The following FARS2 variants were observed in gnomAD, a reference collection of about 807,000 sequenced individuals.
FARS2 encodes the protein phenylalanyl-tRNA synthetase 2, mitochondrial, also known as phenylalanine--tRNA ligase, mitochondrial.
Under a neutral mutation model 46.4 loss-of-function variants are expected in FARS2, and 40 were observed. That is an observed-to-expected ratio of 0.86 (90% CI 0.67 to 1.12). The LOEUF is 1.12. Among genes scored for constraint, FARS2 ranks in the 50% most tolerant of loss-of-function variants. The pLI is 0.00. For missense variants in FARS2, 513 were observed against 567.9 expected, an observed-to-expected ratio of 0.90 and a Z score of 0.98; for synonymous variants, 234 against 214.9, an observed-to-expected ratio of 1.09 and a Z score of -0.78.
chr6:5,417,903 T>C (rs1276805294), intron 3 of FARS2, among the ~76,000 whole-genome samples: 1 of 152,228 alleles, frequency 6.6e-6, no homozygotes, highest in Non-Finnish European at 1.5e-5. Flanking sequence ...TCTGTTCATT[T>C]TTCTTTCAGT....
intron 6 of FARS2, among the ~76,000 whole-genome samples, chr6:5,728,113 A>G (rs947255858): frequency 2.0e-5 from 3 of 152,250 alleles, no homozygotes; most frequent in African/African-American, 7.2e-5. Flanking sequence ...TTAATGTTTC[A>G]TCAACAGTGT....
At chr6:5,535,086 G>A (rs140557287) in intron 4 of FARS2, among the ~76,000 whole-genome samples, 18 of 152,246 alleles carry the variant, frequency 1.2e-4, no homozygotes, top group African/African-American at 4.3e-4. Flanking sequence ...GTATCTCATT[G>A]TGGTTTGTAT....
chr6:5,266,576 G>A (rs951073487), intron 1 of FARS2, among the ~76,000 whole-genome samples: 21 of 152,176 alleles, frequency 1.4e-4, no homozygotes, highest in African/African-American at 5.1e-4. Flanking sequence ...CTGGAAAGTA[G>A]CTAGTGTGGA....
intron 4 of FARS2, among the ~76,000 whole-genome samples, chr6:5,507,699 G>A (rs1196720303): frequency 6.6e-6 from 1 of 152,236 alleles, no homozygotes; most frequent in Non-Finnish European, 1.5e-5. Flanking sequence ...TCATTTTCCA[G>A]TGTCCCAGCC....
At chr6:5,711,237 A>C (rs981386920) in intron 6 of FARS2, among the ~76,000 whole-genome samples, 1 of 152,194 alleles carries the variant, frequency 6.6e-6, no homozygotes. Flanking sequence ...ATTATAACAC[A>C]AAGTATAAAA....
intron 3 of FARS2, among the ~76,000 whole-genome samples, chr6:5,428,841 G>A (rs1463248903): frequency 6.6e-6 from 1 of 152,178 alleles, no homozygotes; most frequent in African/African-American, 2.4e-5. Context: ...CCAACGGCCT[G>A]CAACAAGACC....
At chr6:5,729,296 C>G (rs1381556687) in intron 6 of FARS2, among the ~76,000 whole-genome samples, 1 of 152,162 alleles carries the variant, frequency 6.6e-6, no homozygotes, top group Non-Finnish European at 1.5e-5. Context: ...GTCCCCAGAG[C>G]ATCGTCAGTC....
chr6:5,531,516 G>C (rs1019101492), intron 4 of FARS2, among the ~76,000 whole-genome samples: 2 of 152,182 alleles, frequency 1.3e-5, no homozygotes, highest in Non-Finnish European at 2.9e-5. Flanking sequence ...TGATTAGAAT[G>C]CCATCCAGCT....
chr6:5,271,011 T>A (rs1765906822), intron 1 of FARS2, among the ~76,000 whole-genome samples: 1 of 152,214 alleles, frequency 6.6e-6, no homozygotes, highest in South Asian at 2.1e-4. Context: ...GCTCTTCAGC[T>A]TAGAGTGACT....
intron 1 of FARS2, among the ~76,000 whole-genome samples, chr6:5,344,670 G>A (rs185954920): frequency 4.6e-5 from 7 of 152,302 alleles, no homozygotes; most frequent in South Asian, 2.1e-4. Flanking sequence ...ACATTTATCC[G>A]TCAGCCAAAT....
intron 6 of FARS2, among the ~76,000 whole-genome samples, chr6:5,628,904 C>T (rs576937873): frequency 1.1e-4 from 17 of 152,350 alleles, no homozygotes; most frequent in African/African-American, 3.6e-4. Flanking sequence ...CATGCAATTG[C>T]AGACTTCAGG....
At chr6:5,498,871 G>A (rs190954225) in intron 4 of FARS2, among the ~76,000 whole-genome samples, 39 of 152,310 alleles carry the variant, frequency 2.6e-4, no homozygotes, top group Admixed American at 1.8e-3. Flanking sequence ...ATTGAAACAA[G>A]GCAGTTGCAT....
intron 4 of FARS2, among the ~76,000 whole-genome samples, chr6:5,498,080 G>T (rs1767577344): frequency 1.3e-5 from 2 of 152,144 alleles, no homozygotes. Flanking sequence ...ACTCTCTAGG[G>T]GTGTTTAGGA....
At chr6:5,681,465 A>G (rs934182347) in intron 6 of FARS2, among the ~76,000 whole-genome samples, 3 of 152,264 alleles carry the variant, frequency 2.0e-5, no homozygotes, top group African/African-American at 7.2e-5. Context: ...ACAGGACTAC[A>G]GGTGATTTTT....
At position 5,358,492 on chromosome 6, in the gene FARS2, G is replaced by A. The variant is rs151018190; in HGVS notation, c.-21-10058G>A. Among the ~76,000 whole-genome samples, 198 of 152,190 alleles carry A rather than the reference G, an allele frequency of 1.3e-3. 1 individual carries two copies. The highest frequency in any genetic ancestry group is 4.5e-3 in the African/African-American group (186 of 41,532). On this transcript the variant is annotated intron_variant, in intron 1 of 6. Coordinates refer to ENST00000274680, the MANE Select transcript of FARS2 (RefSeq NM_006567.5). ...CATGAAGGATGATTTTGATATTTTT[G>A]TGTAAGAGAGAGAGAGAAAGCCAGA...
chr6:5,462,186 AT>A (rs1398153311), intron 4 of FARS2, among the ~76,000 whole-genome samples: 4 of 152,128 alleles, frequency 2.6e-5, no homozygotes, highest in African/African-American at 4.8e-5. Context: ...CTTAGTAGCC[AT>A]TTGTATATAT....
chr6:5,260,400 C>T (rs115736225), upstream of FARS2, among the ~76,000 whole-genome samples: 993 of 152,346 alleles, frequency 6.5e-3, 12 homozygotes, highest in African/African-American at 0.023. Flanking sequence ...ACCAAGATAG[C>T]CTTTAGGGGG....
intron 6 of FARS2, among the ~76,000 whole-genome samples, chr6:5,758,736 G>A (rs1053245378): frequency 9.9e-5 from 15 of 152,124 alleles, no homozygotes; most frequent in Non-Finnish European, 1.6e-4. Context: ...TGGGCAAATC[G>A]CTGTCTCTGG....
intron 4 of FARS2, among the ~76,000 whole-genome samples, chr6:5,439,183 C>T (rs1277911731): frequency 2.0e-5 from 3 of 152,182 alleles, no homozygotes; most frequent in South Asian, 2.1e-4. Flanking sequence ...GATCTCAGTT[C>T]AGTTTTCTCA....
Sources: allele counts gnomAD v4.1 joint callset (sites outside exome capture counted in the v4.1 genomes callset), GRCh38; gene constraint gnomAD v4.1.1; transcripts MANE v1.5; gene names NCBI Gene and HGNC (gene_info 2026-07-23, HGNC 2026-07-21).